Variants in HDGFL2 observed in about 807,000 individuals in gnomAD.
HDGFL2 encodes HDGF like 2, also known as hepatoma-derived growth factor-related protein 2.
Under a neutral mutation model 77.1 loss-of-function variants are expected in HDGFL2, and 36 were observed. That is an observed-to-expected ratio of 0.47 (90% CI 0.36 to 0.62). The LOEUF (loss-of-function observed/expected upper bound fraction) is 0.62. Among genes scored for constraint, HDGFL2 ranks in the 20% least tolerant of loss-of-function variants. The pLI is 0.00. For missense variants in HDGFL2, 976 were observed against 973.4 expected, an observed-to-expected ratio of 1.00 and a Z score of -0.04; for synonymous variants, 463 against 413.1, an observed-to-expected ratio of 1.12 and a Z score of -1.46.
chr19:4,491,386 C>G (rs1022917521), intron 4 of HDGFL2, among the ~76,000 whole-genome samples, 180 bp from the exon 5 acceptor site: 5 of 151,402 alleles, frequency 3.3e-5, no homozygotes, highest in Non-Finnish European at 7.4e-5. Context: ...TGGCTTCTTT[C>G]ACCAAGCATA....
chr19:4,480,579 C>A (rs1975187804), intron 3 of HDGFL2, among the ~76,000 whole-genome samples: 2 of 152,172 alleles, frequency 1.3e-5, no homozygotes, highest in South Asian at 4.1e-4. Context: ...ATTAGCTGGG[C>A]ATGGCGGTGG....
intron 3 of HDGFL2, among the ~76,000 whole-genome samples, chr19:4,482,240 C>A (rs1052413236): frequency 4.0e-5 from 6 of 150,950 alleles, no homozygotes; most frequent in African/African-American, 1.5e-4. Flanking sequence ...GATGGAGTCT[C>A]GCTCTGTTGC....
At chr19:4,481,023 A>T (rs1198969421) in intron 3 of HDGFL2, among the ~76,000 whole-genome samples, 1 of 132,612 alleles carries the variant, frequency 7.5e-6, no homozygotes, top group Non-Finnish European at 1.6e-5. Flanking sequence ...AACCCGGCTA[A>T]TTTTTTTTTT....
chr19:4,479,547 C>T (rs1012257142), intron 3 of HDGFL2, among the ~76,000 whole-genome samples: 2 of 148,442 alleles, frequency 1.3e-5, no homozygotes, highest in Non-Finnish European at 1.5e-5. Context: ...CACCACTGCA[C>T]TCCAGCCTGG....
intron 15 of HDGFL2, chr19:4,501,699 C>G (rs1975891858): frequency 2.0e-6 from 1 of 508,972 alleles, no homozygotes; most frequent in Non-Finnish European, 3.4e-6. Context: ...TACCCAGCAG[C>G]TGCCTTGTGC....
At chr19:4,474,690 C>A (rs1287105666) in intron 1 of HDGFL2, among the ~76,000 whole-genome samples, 1 of 152,136 alleles carries the variant, frequency 6.6e-6, no homozygotes, top group South Asian at 2.1e-4. Context: ...TTTCTCTCCC[C>A]CGTCCCCCCT....
intron 3 of HDGFL2, among the ~76,000 whole-genome samples, chr19:4,485,563 C>G (rs1975338281): frequency 6.6e-6 from 1 of 151,214 alleles, no homozygotes; most frequent in South Asian, 2.1e-4. Flanking sequence ...ACAGTGAAAC[C>G]ACGTCTCAAC....
At chr19:4,479,095 G>A (rs971644163) in intron 3 of HDGFL2, among the ~76,000 whole-genome samples, 2 of 151,922 alleles carry the variant, frequency 1.3e-5, no homozygotes, top group African/African-American at 4.8e-5. Context: ...GGGAGGCCAA[G>A]GGGGCAGATC....
At chr19:4,499,864 T>G (rs1421166549) in intron 14 of HDGFL2, among the ~76,000 whole-genome samples, 160 bp downstream of exon 14, 1 of 152,176 alleles carries the variant, frequency 6.6e-6, no homozygotes, top group Admixed American at 6.5e-5. Context: ...CCGGCTTTAA[T>G]CCCTGGGGCA....
chr19:4,490,939 G>A (rs1445045689), intron 4 of HDGFL2, among the ~76,000 whole-genome samples: 3 of 151,862 alleles, frequency 2.0e-5, no homozygotes, highest in East Asian at 1.9e-4. Context: ...GGCCTCCTGT[G>A]TAGGTGGGAT....
intron 6 of HDGFL2, among the ~76,000 whole-genome samples, chr19:4,492,088 G>A (rs1361696787): frequency 6.6e-5 from 10 of 152,328 alleles, no homozygotes; most frequent in Admixed American, 5.2e-4. Flanking sequence ...GTCCTGACGC[G>A]CCTGCATGAG....
Position 4,501,926 on chromosome 19 carries a change from T to C in HDGFL2, c.1932T>C (p.Gly644=). 6.8e-7 allele frequency: 1 copy of C among 1,476,270 alleles called. No homozygotes were observed. The highest frequency in any genetic ancestry group is 1.4e-5 in the South Asian group (1 of 73,164). The allele number at this position is 1,476,270 out of a possible 1,614,324, so 91.4% of individuals were successfully genotyped here. ...SEDLHDSVRE[G]PDLDRPGSDR... is the part of the protein sequence containing the mutation. ...TTCCCACCAGCAGCGTACGGGAGGG[T>C]CCCGACCTGGACAGGCCTGGGAGCG... The change falls in exon 16 of 16, where the codon GGT becomes GGC. Residue 644 remains glycine, a synonymous_variant. Coordinates refer to ENST00000616600, the MANE Select transcript of HDGFL2 (RefSeq NM_001001520.3).
At chr19:4,479,081 C>T (rs1255437375) in intron 3 of HDGFL2, among the ~76,000 whole-genome samples, 1 of 151,816 alleles carries the variant, frequency 6.6e-6, no homozygotes, top group East Asian at 2.0e-4. Flanking sequence ...AACCTCAGCA[C>T]TGTGGGAGGC....
At position 4,491,780 on chromosome 19, in the gene HDGFL2, A is replaced by G; in HGVS notation, c.623A>G (p.Lys208Arg). The G allele has an allele frequency of 6.2e-7, 1 of 1,614,096 alleles. No homozygotes were observed. Among genetic ancestry groups the G allele is most frequent in the Non-Finnish European group, 8.5e-7 (1 of 1,180,028 alleles). ...KTSDQDFTPE[K>R]KAAVRAPRRG... ...CTCCCCCAGGACTTCACACCTGAGA[A>G]GAAAGCAGCGGTCCGGGCGCCACGG... is the stretch of plus-strand genomic sequence containing the variant. Residue 208 changes from lysine to arginine, a missense_variant, in exon 6 of 16, where the codon AAG becomes AGG. Physicochemically the swap from Lys to Arg is conservative, Grantham distance 26. Transcript: ENST00000616600.
At chr19:4,477,193 G>A (rs1254359265) in intron 3 of HDGFL2, among the ~76,000 whole-genome samples, 2 of 152,114 alleles carry the variant, frequency 1.3e-5, no homozygotes, top group African/African-American at 2.4e-5. Flanking sequence ...TCCAGGATCC[G>A]CAGACGTTTC....
intron 12 of HDGFL2, 67 bp from the exon 13 acceptor site, chr19:4,498,747 C>G (rs367608684): frequency 1.9e-6 from 2 of 1,060,804 alleles, no homozygotes; most frequent in South Asian, 2.7e-5. Context: ...CTCCACCCAT[C>G]GGGGCCCTGG....
At chr19:4,496,852 G>A in intron 10 of HDGFL2, 1 of 398,274 alleles carries the variant, frequency 2.5e-6, no homozygotes, top group South Asian at 1.9e-5. Context: ...GGCAGACAGA[G>A]CCTGTCTCCC....
intron 12 of HDGFL2, 147 bp downstream of exon 12, chr19:4,498,523 G>A (rs1225247266): frequency 4.4e-6 from 3 of 682,066 alleles, no homozygotes; most frequent in African/African-American, 3.6e-5. Flanking sequence ...TGAGCGCATG[G>A]GGTCTCCTGG....
Position 4,494,353 on chromosome 19 carries a change from G to GGCA in HDGFL2, c.1108_1110dup (p.Ser370dup), listed in dbSNP as rs1375460482. The GGCA allele has an allele frequency of 7.1e-7, 1 of 1,406,754 alleles. No homozygotes were observed. The highest frequency in any genetic ancestry group is 9.2e-7 in the Non-Finnish European group (1 of 1,084,988). The allele number at this position is 1,406,754 out of a possible 1,614,324, so 87.1% of individuals were successfully genotyped here. Reference sequence around the variant, plus strand: ...CGGGGAGGCTGAGCGGGGCAGCGGCGGCAGCAGCGGGGACGAGCTCAGGGA... The same window carrying GGCA: ...CGGGGAGGCTGAGCGGGGCAGCGGCGGCAGCAGCAGCGGGGACGAGCTCAGGGA... On this transcript the variant is annotated inframe_insertion, in exon 9 of 16. Coordinates refer to ENST00000616600, the MANE Select transcript of HDGFL2 (RefSeq NM_001001520.3).
Sources: allele counts gnomAD v4.1 joint callset (sites outside exome capture counted in the v4.1 genomes callset), GRCh38; gene constraint gnomAD v4.1.1; transcripts MANE v1.5; gene names NCBI Gene and HGNC (gene_info 2026-07-23, HGNC 2026-07-21).